Variants in LIMCH1 observed in about 807,000 individuals in gnomAD.
LIMCH1 encodes LIM and calponin homology domains 1.
Under a neutral mutation model 176.5 loss-of-function variants are expected in LIMCH1, and 113 were observed. The ratio of observed to expected loss-of-function variants is 0.64; its 90% CI spans 0.55 to 0.75. The LOEUF is 0.75. Ranked by LOEUF, LIMCH1 falls within the 30% of genes least tolerant of loss-of-function variation. LIMCH1 has a pLI of 0.00. For synonymous variants in LIMCH1, 619 were observed against 645.9 expected (o/e 0.96, Z 0.63); for missense variants, 1,674 against 1,814.9 (o/e 0.92, Z 1.41).
chr4:41,447,115 A>G (rs1279256080), intron 1 of LIMCH1, among the ~76,000 whole-genome samples: 2 of 152,154 alleles, frequency 1.3e-5, no homozygotes, highest in African/African-American at 4.8e-5. Flanking sequence ...CTGTAGTCCT[A>G]GTTACTCAGG....
At chr4:41,387,339 A>T (rs913453842) in intron 1 of LIMCH1, among the ~76,000 whole-genome samples, 4 of 152,222 alleles carry the variant, frequency 2.6e-5, no homozygotes, top group Non-Finnish European at 5.9e-5. Flanking sequence ...AATGGGGCTC[A>T]TATGCTTTCT....
At chr4:41,417,493 G>A (rs904253682) in intron 1 of LIMCH1, among the ~76,000 whole-genome samples, 60 of 152,230 alleles carry the variant, frequency 3.9e-4, no homozygotes, top group African/African-American at 1.0e-3. Flanking sequence ...AGAATTAGTA[G>A]TCGTTATCTC....
intron 31 of LIMCH1, 134 bp downstream of exon 31, chr4:41,692,518 G>C: frequency 1.7e-6 from 1 of 594,706 alleles, no homozygotes; most frequent in South Asian, 2.2e-5. Context: ...TTAACATCTA[G>C]GTTAAAAAAG....
intron 1 of LIMCH1, among the ~76,000 whole-genome samples, chr4:41,586,254 A>C (rs534370992): frequency 2.2e-4 from 33 of 151,882 alleles, no homozygotes; most frequent in African/African-American, 8.0e-4. Flanking sequence ...GACTATAGGC[A>C]CATGTCACCA....
At chr4:41,462,378 T>C (rs2065498773) in intron 1 of LIMCH1, among the ~76,000 whole-genome samples, 2 of 152,320 alleles carry the variant, frequency 1.3e-5, no homozygotes, top group South Asian at 2.1e-4. Flanking sequence ...AGAGTTTTCA[T>C]TGGTAATGTA....
At chr4:41,465,942 T>C (rs2066042537) in intron 1 of LIMCH1, among the ~76,000 whole-genome samples, 1 of 151,660 alleles carries the variant, frequency 6.6e-6, no homozygotes. Flanking sequence ...CTAAGAGATT[T>C]ACTGTTTGGC....
upstream of LIMCH1, among the ~76,000 whole-genome samples, chr4:41,536,876 A>T (rs899160113): frequency 2.6e-5 from 4 of 152,212 alleles, no homozygotes; most frequent in Admixed American, 1.3e-4. Context: ...AAATCCAAAT[A>T]AAACATGGAT....
At chr4:41,639,310 T>G (rs562352233) in intron 14 of LIMCH1, among the ~76,000 whole-genome samples, 27 of 152,374 alleles carry the variant, frequency 1.8e-4, no homozygotes, top group Non-Finnish European at 3.4e-4. Context: ...GTTTTGCACT[T>G]AATTCTTGAT....
At position 41,489,771 on chromosome 4, in the gene LIMCH1, A is replaced by G. The variant is rs930808530; in HGVS notation, c.97-4765A>G. Among the ~76,000 whole-genome samples, 3 of 152,078 alleles carry G rather than the reference A, an allele frequency of 2.0e-5. No individual in the cohort carries two copies. In the South Asian group the frequency reaches 6.2e-4, roughly 32 times the overall value. On this transcript the variant is annotated intron_variant, in intron 1 of 26. Transcript: ENST00000313860. ...ACTTGAAAAAATATATATATAGTTG[A>G]CCCTTGAACAATGCAAGGTTCAGAG...
In LIMCH1 at chr4:41,406,047, G is replaced by GA. The variant is rs1213388437; in HGVS notation, c.96+45118dup. Among the ~76,000 whole-genome samples, 13 of 152,146 alleles carry GA rather than the reference G, an allele frequency of 8.5e-5. No individual in the cohort carries two copies. The East Asian group carries it at 2.3e-3, about 27-fold the overall frequency. ...TATATAAGATTAATGTTTCTGAGAT[G>GA]AAAAAAACACACAAAAAAGGAGCTT... On this transcript the variant is annotated intron_variant, in intron 1 of 26. Transcript: ENST00000313860.
intron 5 of LIMCH1, among the ~76,000 whole-genome samples, chr4:41,617,126 T>G (rs1301469467): frequency 6.6e-6 from 1 of 152,072 alleles, no homozygotes; most frequent in Non-Finnish European, 1.5e-5. Context: ...ACAAATAGGA[T>G]TCATAGATTA....
chr4:41,655,816 A>G (rs1472737394), intron 18 of LIMCH1, among the ~76,000 whole-genome samples: 1 of 151,884 alleles, frequency 6.6e-6, no homozygotes, highest in African/African-American at 2.4e-5. Context: ...GGCATGAGCC[A>G]CCATGCCTGG....
At chr4:41,534,345 T>G (rs1475570345), upstream of LIMCH1, among the ~76,000 whole-genome samples, 1 of 152,138 alleles carries the variant, frequency 6.6e-6, no homozygotes, top group African/African-American at 2.4e-5. Flanking sequence ...ATGAAAAAAA[T>G]GCATCTTTAT....
intron 3 of LIMCH1, among the ~76,000 whole-genome samples, chr4:41,529,133 C>T (rs767392873): frequency 5.3e-5 from 8 of 152,094 alleles, no homozygotes; most frequent in Non-Finnish European, 1.0e-4. Flanking sequence ...TGCTGCACTT[C>T]AGTCTGCTAG....
At chr4:41,429,046 G>A (rs77300434) in intron 1 of LIMCH1, among the ~76,000 whole-genome samples, 5,692 of 152,280 alleles carry the variant, frequency 0.037, 146 homozygotes, top group Middle Eastern at 0.068. Flanking sequence ...GAAGAAAGTG[G>A]CATGCAGCAA....
rs79506322 is a variant in LIMCH1 at position 41,432,319 on chromosome 4, G to C, written c.97-62217G>C. Among the ~76,000 whole-genome samples, 1,235 of 152,302 alleles carry C rather than the reference G, an allele frequency of 8.1e-3. 26 individuals carry two copies. The highest frequency in any genetic ancestry group is 0.028 in the African/African-American group (1,163 of 41,542). On this transcript the variant is annotated intron_variant, in intron 1 of 26. Transcript: ENST00000313860. ...TCTTTTCTGGATGACTTTAAAATAT[G>C]AGTGTGTTGCTGCTCTTGATTCCTA...
intron 2 of LIMCH1, among the ~76,000 whole-genome samples, chr4:41,515,560 C>T (rs1227837952): frequency 6.6e-6 from 1 of 152,198 alleles, no homozygotes; most frequent in African/African-American, 2.4e-5. Context: ...TATTGTACAC[C>T]GGGCCTGTGC....
At chr4:41,533,097 G>A (rs112692404) in intron 3 of LIMCH1, among the ~76,000 whole-genome samples, 3,927 of 152,216 alleles carry the variant, frequency 0.026, 101 homozygotes, top group Admixed American at 0.07. Flanking sequence ...TTGCCATGTG[G>A]GTCTTTCTAT....
intron 31 of LIMCH1, among the ~76,000 whole-genome samples, chr4:41,695,118 C>T (rs1314458964): frequency 6.6e-6 from 1 of 151,806 alleles, no homozygotes; most frequent in African/African-American, 2.4e-5. Flanking sequence ...AGAAATTTGC[C>T]ATTTGTTATA....
Sources: allele counts gnomAD v4.1 joint callset (sites outside exome capture counted in the v4.1 genomes callset), GRCh38; gene constraint gnomAD v4.1.1; transcripts MANE v1.5; gene names NCBI Gene and HGNC (gene_info 2026-07-23, HGNC 2026-07-21).